The following CEP89 variants were observed in gnomAD, a reference collection of about 807,000 sequenced individuals.
CEP89 encodes centrosomal protein 89, also known as centrosomal protein of 89 kDa.
CEP89 carries 95 observed loss-of-function variants against 97.6 expected under a neutral mutation model. The ratio of observed to expected loss-of-function variants is 0.97; its 90% CI spans 0.82 to 1.15. The LOEUF (loss-of-function observed/expected upper bound fraction) is 1.15, where lower values mean the gene tolerates loss of function less well. Ranked by LOEUF, CEP89 falls within the 50% of genes most tolerant of loss-of-function variation. The pLI, the probability that CEP89 is intolerant of heterozygous loss-of-function variation, is 0.00. For missense variants in CEP89, 869 were observed against 947.7 expected, an observed-to-expected ratio of 0.92 and a Z score of 1.09; for synonymous variants, 354 against 349.1, an observed-to-expected ratio of 1.01 and a Z score of -0.16.
At chr19:32,885,527 G>T (rs144986749) in intron 17 of CEP89, among the ~76,000 whole-genome samples, 79 of 152,242 alleles carry the variant, frequency 5.2e-4, no homozygotes, top group Non-Finnish European at 1.0e-3. Flanking sequence ...TCCCTATGTT[G>T]CCCAGGCTGG....
chr19:32,966,718 C>T (rs1342204460), intron 1 of CEP89, among the ~76,000 whole-genome samples: 1 of 152,212 alleles, frequency 6.6e-6, no homozygotes, highest in Non-Finnish European at 1.5e-5. Context: ...GCTTCCCTGG[C>T]TGTCCCCAAG....
At chr19:32,961,699 A>G (rs2145971478) in intron 2 of CEP89, among the ~76,000 whole-genome samples, 1 of 151,952 alleles carries the variant, frequency 6.6e-6, no homozygotes, top group Admixed American at 6.6e-5. Flanking sequence ...GCTGGAGTAC[A>G]GTGGCGCAAT....
intron 11 of CEP89, among the ~76,000 whole-genome samples, chr19:32,925,975 C>A (rs534443775): frequency 6.6e-6 from 1 of 152,236 alleles, no homozygotes; most frequent in African/African-American, 2.4e-5. Context: ...TCCACCCCTC[C>A]TGCTCTGCCA....
chr19:32,928,159 G>A (rs1314056516), intron 9 of CEP89, among the ~76,000 whole-genome samples: 1 of 151,780 alleles, frequency 6.6e-6, no homozygotes, highest in East Asian at 1.9e-4. Context: ...CAAGTGATCT[G>A]CCCACCTCAG....
chr19:32,907,241 G>T (rs1461332839), intron 14 of CEP89, among the ~76,000 whole-genome samples: 1 of 152,122 alleles, frequency 6.6e-6, no homozygotes, highest in African/African-American at 2.4e-5. Context: ...CGTGACTATA[G>T]TCCCAGCCAC....
At chr19:32,883,616 A>G (rs1291637619) in intron 17 of CEP89, among the ~76,000 whole-genome samples, 1 of 152,194 alleles carries the variant, frequency 6.6e-6, no homozygotes, top group South Asian at 2.1e-4. Flanking sequence ...CAGAGGTTGC[A>G]GTGAGCCAAG....
chr19:32,943,749 T>C (rs140111064), intron 5 of CEP89, among the ~76,000 whole-genome samples: 1 of 149,360 alleles, frequency 6.7e-6, no homozygotes, highest in Non-Finnish European at 1.5e-5. Context: ...CACCACAGAG[T>C]TGAGGAAATA....
chr19:32,944,817 G>A (rs772515687), intron 5 of CEP89, among the ~76,000 whole-genome samples: 3 of 152,216 alleles, frequency 2.0e-5, no homozygotes, highest in Non-Finnish European at 4.4e-5. Context: ...TCGCTAGAGT[G>A]CAGAGGGATG....
Position 32,932,661 on chromosome 19 carries a change from C to A in CEP89, c.886+790G>T, listed in dbSNP as rs116129497. Among the ~76,000 whole-genome samples the A allele has an allele frequency of 4.5e-3, 685 of 152,110 alleles. 5 individuals are homozygous for A. Among genetic ancestry groups the A allele is most frequent in the African/African-American group, 0.015 (629 of 41,496 alleles). ...TCTCATTGTAAAGTGGGCAACTTGG[C>A]CATGATAGTGGCTCATATCTAAAAT... On this transcript the variant is annotated intron_variant, in intron 8 of 18. Coordinates refer to ENST00000305768, the MANE Select transcript of CEP89 (RefSeq NM_032816.5).
chr19:32,882,156 C>A (rs1969297924), intron 17 of CEP89, 143 bp from the exon 18 acceptor site: 5 of 665,630 alleles, frequency 7.5e-6, no homozygotes, highest in African/African-American at 5.4e-5. Flanking sequence ...TCTGGGATTG[C>A]AAGTCTGGAT....
intron 18 of CEP89, among the ~76,000 whole-genome samples, chr19:32,879,640 A>G (rs113837476): frequency 0.013 from 1,925 of 152,316 alleles, 45 homozygotes; most frequent in African/African-American, 0.04. Flanking sequence ...AGGACGGCAC[A>G]GGCATTTCTC....
intron 17 of CEP89, among the ~76,000 whole-genome samples, chr19:32,885,490 G>C (rs897070353): frequency 2.0e-5 from 3 of 148,490 alleles, no homozygotes; most frequent in Non-Finnish European, 2.9e-5. Context: ...CTGGCTAATT[G>C]CTGTATTTTT....
At chr19:32,931,278 G>A in intron 9 of CEP89, 151 bp downstream of exon 9, 1 of 652,160 alleles carries the variant, frequency 1.5e-6, no homozygotes, top group East Asian at 3.1e-5. Context: ...AAGGAGGCAA[G>A]AAACAGAATG....
intron 16 of CEP89, among the ~76,000 whole-genome samples, chr19:32,894,517 G>A (rs1969598778): frequency 6.6e-6 from 1 of 152,180 alleles, no homozygotes; most frequent in Admixed American, 6.5e-5. Flanking sequence ...TTCCTGCCTG[G>A]GCAGGGCTAA....
intron 17 of CEP89, among the ~76,000 whole-genome samples, chr19:32,885,802 T>G (rs183300254): frequency 6.6e-6 from 1 of 152,232 alleles, no homozygotes; most frequent in Non-Finnish European, 1.5e-5. Context: ...GTTTCTTCTT[T>G]GGAGGCTCTA....
At position 32,931,435 on chromosome 19, in the gene CEP89, C is replaced by G. The variant is rs757741109; in HGVS notation, c.1023G>C (p.Lys341Asn). 3 of 1,578,094 alleles carry G rather than the reference C, an allele frequency of 1.9e-6. No individual in the cohort carries two copies. Among genetic ancestry groups the G allele is most frequent in the Non-Finnish European group, 2.6e-6 (3 of 1,169,836 alleles). The change falls in exon 9 of 19, where the codon AAG becomes AAC. Residue 341 changes from lysine (K) to asparagine (N), a missense_variant. Coordinates refer to ENST00000305768, the MANE Select transcript of CEP89 (RefSeq NM_032816.5). ...TCACAATCGGAAACGTTACCTCTTC[C>G]TTGGACAAATGCCTGAATTTTGTCT... ...RYQTKFRHLS[K>N]EESLNIEGLP...
At chr19:32,902,818 C>A (rs1969809766) in intron 14 of CEP89, among the ~76,000 whole-genome samples, 1 of 152,180 alleles carries the variant, frequency 6.6e-6, no homozygotes, top group Non-Finnish European at 1.5e-5. Context: ...TGAGAGGAAA[C>A]TGCGTAAAGC....
At chr19:32,903,622 G>A (rs1568552036) in intron 14 of CEP89, among the ~76,000 whole-genome samples, 1 of 152,162 alleles carries the variant, frequency 6.6e-6, no homozygotes, top group Non-Finnish European at 1.5e-5. Context: ...TTAGATTGTA[G>A]AAGGATAGAT....
intron 9 of CEP89, chr19:32,931,150 A>C: frequency 2.5e-6 from 1 of 406,518 alleles, no homozygotes; most frequent in Non-Finnish European, 4.3e-6. Context: ...TCAGCCTCTG[A>C]AAGTGCTGGG....
Sources: allele counts gnomAD v4.1 joint callset (sites outside exome capture counted in the v4.1 genomes callset), GRCh38; gene constraint gnomAD v4.1.1; transcripts MANE v1.5; gene names NCBI Gene and HGNC (gene_info 2026-07-23, HGNC 2026-07-21).